The following WDHD1 variants were observed in gnomAD, a reference collection of about 807,000 sequenced individuals.
WDHD1 encodes the protein WD repeat and HMG-box DNA binding protein 1.
Under a neutral mutation model 135.4 loss-of-function variants are expected in WDHD1, and 111 were observed. The ratio of observed to expected loss-of-function variants is 0.82; its 90% CI spans 0.70 to 0.96. The LOEUF (loss-of-function observed/expected upper bound fraction) is 0.96. WDHD1 is among the 40% of genes least tolerant of loss of function. WDHD1 has a pLI of 0.00. For synonymous variants in WDHD1, 434 were observed against 439.0 expected (o/e 0.99, Z 0.14); for missense variants, 1,351 against 1,336.3 (o/e 1.01, Z -0.17).
intron 14 of WDHD1, 111 bp downstream of exon 14, chr14:54,987,035 C>A: frequency 8.0e-7 from 1 of 1,255,110 alleles, no homozygotes; most frequent in East Asian, 2.4e-5. Flanking sequence ...AAAGATTACA[C>A]GGATTCAAAA....
In WDHD1 at chr14:54,981,609, C is replaced by T; in HGVS notation, c.1994G>A (p.Arg665Lys). 6.2e-7 allele frequency: 1 copy of T among 1,613,556 alleles called. No individual in the cohort carries two copies. The highest frequency in any genetic ancestry group is 8.5e-7 in the Non-Finnish European group (1 of 1,179,690). Residue 665 changes from arginine to lysine, a missense_variant, in exon 16 of 26, where the codon AGA (arginine) becomes AAA (lysine). By Grantham distance (26) the Arg-to-Lys change is conservative. Transcript: ENST00000360586. ...ATCAGATTTTCCTTTGCAGTGCTCT[C>T]TTGTATTACATATAGGAGTCCACGT... Reference protein sequence around the residue: ...GNTWTPICNTREHCKGKSDHY... With the variant: ...GNTWTPICNTKEHCKGKSDHY...
chr14:55,018,169 T>A (rs1443679619), intron 2 of WDHD1, among the ~76,000 whole-genome samples: 7 of 152,172 alleles, frequency 4.6e-5, no homozygotes, highest in Non-Finnish European at 1.0e-4. Context: ...AATGGTATTA[T>A]TATTATTAGA....
intron 11 of WDHD1, among the ~76,000 whole-genome samples, chr14:54,994,489 A>G (rs983946634): frequency 7.2e-5 from 11 of 152,366 alleles, no homozygotes; most frequent in Non-Finnish European, 1.5e-4. Context: ...AATACATATT[A>G]TCATTTCAAC....
chr14:54,980,802 T>TTAAAAA (rs1555368940), intron 16 of WDHD1, among the ~76,000 whole-genome samples: 1 of 83,594 alleles, frequency 1.2e-5, no homozygotes, highest in Non-Finnish European at 2.3e-5. Flanking sequence ...AGACTCCACA[T>TTAAAAA]AAAAAAAAAA....
chr14:54,948,462 G>A (rs560321492), intron 24 of WDHD1, among the ~76,000 whole-genome samples: 10 of 152,262 alleles, frequency 6.6e-5, no homozygotes, highest in Middle Eastern at 3.4e-3. Flanking sequence ...TGCTAGCACA[G>A]CAGTCTGAGA....
At chr14:54,946,033 G>A (rs1396171580) in intron 24 of WDHD1, among the ~76,000 whole-genome samples, 4 of 151,988 alleles carry the variant, frequency 2.6e-5, no homozygotes, top group Admixed American at 6.5e-5. Flanking sequence ...CCGATTTCCA[G>A]AAAAATAACA....
intron 16 of WDHD1, among the ~76,000 whole-genome samples, chr14:54,973,312 C>G (rs904112736): frequency 2.0e-5 from 3 of 152,110 alleles, no homozygotes; most frequent in African/African-American, 7.2e-5. Flanking sequence ...CCAGTATTAT[C>G]AAATGCCCAC....
Position 54,989,663 on chromosome 14 carries a change from A to ATT in WDHD1, c.1342-453_1342-452dup, listed in dbSNP as rs34783095. 1.9e-3 allele frequency among the ~76,000 whole-genome samples: 272 copies of ATT among 144,600 alleles called. 1 individual carries two copies. Among genetic ancestry groups the ATT allele is most frequent in the Middle Eastern group, 7.2e-3 (2 of 278 alleles). The allele number at this position is 144,600 out of a possible 152,430, so 94.9% of individuals were successfully genotyped here. A position where few individuals can be genotyped will look rare whatever the true frequency, so the allele number is the denominator to read the frequency against. On this transcript the variant is annotated intron_variant, in intron 12 of 25. Coordinates refer to ENST00000360586, the MANE Select transcript of WDHD1 (RefSeq NM_007086.4). ...AATACATACATTTTAAGAAAACATA[A>ATT]TTTTTTTTTTTTTTTGGAGACAGTT...
At chr14:54,953,634 A>C (rs2041100682) in intron 24 of WDHD1, among the ~76,000 whole-genome samples, 1 of 152,194 alleles carries the variant, frequency 6.6e-6, no homozygotes, top group Non-Finnish European at 1.5e-5. Flanking sequence ...ATATACCCAA[A>C]GGATTATAAA....
chr14:54,986,947 C>A (rs374538765), intron 14 of WDHD1, among the ~76,000 whole-genome samples, 199 bp downstream of exon 14: 3 of 152,154 alleles, frequency 2.0e-5, no homozygotes, highest in African/African-American at 7.2e-5. Flanking sequence ...CCTTGGAATT[C>A]TCTCTATAAT....
Position 54,988,882 on chromosome 14 carries a change from G to A in WDHD1, c.1526+146C>T, listed in dbSNP as rs140606197. On this transcript the variant is annotated intron_variant, in intron 13 of 25. Coordinates refer to ENST00000360586, the MANE Select transcript of WDHD1 (RefSeq NM_007086.4). ...ACAGACATATGTTCTGAGGTATTTT[G>A]GGTGTGCTGGTGTTTGTACCAAACT... 447 of 603,136 alleles carry A rather than the reference G, an allele frequency of 7.4e-4. 1 individual carries two copies. Among genetic ancestry groups the A allele is most frequent in the African/African-American group, 6.4e-3 (344 of 53,668 alleles). 37.4% of individuals were successfully genotyped at this position (603,136 alleles called of 1,614,324 possible).
intron 24 of WDHD1, among the ~76,000 whole-genome samples, chr14:54,947,601 G>T (rs2040950313): frequency 3.3e-5 from 5 of 151,820 alleles, no homozygotes. Flanking sequence ...TTTTCTTTTT[G>T]TTTTTTCTGA....
intron 21 of WDHD1, among the ~76,000 whole-genome samples, chr14:54,961,813 C>T (rs1288176536): frequency 6.6e-6 from 1 of 151,932 alleles, no homozygotes; most frequent in Non-Finnish European, 1.5e-5. Flanking sequence ...CCCAGGCCCA[C>T]TCCCTGTACG....
At chr14:54,980,592 T>C (rs1471393878) in intron 16 of WDHD1, among the ~76,000 whole-genome samples, 1 of 151,022 alleles carries the variant, frequency 6.6e-6, no homozygotes, top group Non-Finnish European at 1.5e-5. Flanking sequence ...TCACTTGAGG[T>C]CAAGAGTTCA....
Position 54,939,837 on chromosome 14 carries a change from C to T in WDHD1, c.*1653G>A, listed in dbSNP as rs1027758250. 6.6e-6 allele frequency: 1 copy of T among 152,140 alleles called. No individual in the cohort carries two copies. The highest frequency in any genetic ancestry group is 1.5e-5 in the Non-Finnish European group (1 of 68,014). The allele number at this position is 152,140 out of a possible 1,614,324, so 9.4% of individuals were successfully genotyped here. A position where few individuals can be genotyped will look rare whatever the true frequency, so the allele number is the denominator to read the frequency against. On this transcript the variant is annotated 3_prime_UTR_variant, in exon 26 of 26. Transcript: ENST00000360586. ...CATTAGGTTGGCACAAAAGAAATCG[C>T]GGTTTTTGCCACTGAAATGGCGAAA...
intron 7 of WDHD1, among the ~76,000 whole-genome samples, chr14:55,003,591 A>ATATATATATATATATATATAG (rs1341605400): frequency 1.3e-5 from 2 of 149,696 alleles, no homozygotes; most frequent in African/African-American, 5.1e-5. Context: ...AACGAACTAT[A>ATATATATATATATATATATAG]TATATATAGT....
chr14:54,993,716 T>C (rs2041829903), intron 11 of WDHD1, among the ~76,000 whole-genome samples: 1 of 151,496 alleles, frequency 6.6e-6, no homozygotes. Context: ...ATGATAGACA[T>C]TACAAAGATT....
At chr14:54,959,772 C>T (rs2041219401) in intron 21 of WDHD1, among the ~76,000 whole-genome samples, 3 of 151,554 alleles carry the variant, frequency 2.0e-5, no homozygotes, top group Admixed American at 2.0e-4. Flanking sequence ...AAGCAAGATA[C>T]CCTGTATCCG....
At chr14:54,948,874 T>C (rs1324668726) in intron 24 of WDHD1, among the ~76,000 whole-genome samples, 1 of 152,220 alleles carries the variant, frequency 6.6e-6, no homozygotes, top group African/African-American at 2.4e-5. Context: ...CAGCCTCCGC[T>C]GCTGATACCC....
Sources: gnomAD v4.1 joint callset for allele counts (sites outside exome capture counted in the v4.1 genomes callset) on GRCh38, gnomAD v4.1.1 for gene constraint, MANE v1.5 for transcripts, NCBI Gene and HGNC (gene_info 2026-07-23, HGNC 2026-07-21) for gene names.